Variants in STK10 observed in about 807,000 individuals in gnomAD.
STK10 encodes the protein serine/threonine-protein kinase 10.
In STK10, 78 loss-of-function variants were observed where a neutral mutation model predicts 113.8. The observed-to-expected ratio is 0.69, with a 90% CI of 0.57 to 0.83. The LOEUF is 0.83. Ranked by LOEUF, STK10 falls within the 40% of genes least tolerant of loss-of-function variation. STK10 has a pLI of 0.00. For synonymous variants in STK10, 465 were observed against 494.7 expected, an observed-to-expected ratio of 0.94 and a Z score of 0.80; for missense variants, 1,109 against 1,280.1, an observed-to-expected ratio of 0.87 and a Z score of 2.04.
intron 7 of STK10, among the ~76,000 whole-genome samples, chr5:172,101,470 CAA>C (rs796588690): frequency 4.3e-4 from 31 of 72,566 alleles, no homozygotes; most frequent in Admixed American, 8.5e-4. Flanking sequence ...ACTCCGTCTC[CAA>C]AAAAAAAAAA....
intron 12 of STK10, among the ~76,000 whole-genome samples, chr5:172,079,051 A>G (rs2113726222): frequency 6.6e-6 from 1 of 152,272 alleles, no homozygotes; most frequent in East Asian, 1.9e-4. Context: ...TTCCAAGCAG[A>G]TACTGGGTCT....
chr5:172,107,267 A>C (rs1423408118), intron 5 of STK10, among the ~76,000 whole-genome samples: 1 of 152,238 alleles, frequency 6.6e-6, no homozygotes, highest in Non-Finnish European at 1.5e-5. Flanking sequence ...TGCACATGAA[A>C]AAATTGGAAA....
chr5:172,123,731 A>G (rs1769563526), intron 3 of STK10, among the ~76,000 whole-genome samples: 1 of 152,132 alleles, frequency 6.6e-6, no homozygotes, highest in South Asian at 2.1e-4. Flanking sequence ...TCTCTTTAAA[A>G]GAGTCTTCAG....
At chr5:172,180,467 A>G (rs1018052204) in intron 1 of STK10, among the ~76,000 whole-genome samples, 3 of 146,526 alleles carry the variant, frequency 2.0e-5, no homozygotes, top group African/African-American at 7.6e-5. Context: ...TTCGTCTCAA[A>G]AAAGAAAGTC....
chr5:172,135,251 G>A (rs145476196), intron 2 of STK10, among the ~76,000 whole-genome samples: 5,792 of 152,250 alleles, frequency 0.038, 140 homozygotes, highest in Middle Eastern at 0.068. Flanking sequence ...GGTGGCTCAC[G>A]TCTGTGATCC....
At chr5:172,083,974 TA>T (rs1768493739) in intron 10 of STK10, among the ~76,000 whole-genome samples, 1 of 150,598 alleles carries the variant, frequency 6.6e-6, no homozygotes, top group Non-Finnish European at 1.5e-5. Flanking sequence ...GAATGTTATT[TA>T]GTAAAAAATT....
intron 12 of STK10, among the ~76,000 whole-genome samples, chr5:172,071,870 G>C (rs1768189427): frequency 6.6e-6 from 1 of 152,122 alleles, no homozygotes; most frequent in African/African-American, 2.4e-5. Flanking sequence ...CTCCTTTGCT[G>C]TGTGTCTCAT....
intron 2 of STK10, among the ~76,000 whole-genome samples, chr5:172,151,294 G>A (rs1030818307): frequency 2.0e-5 from 3 of 152,066 alleles, no homozygotes; most frequent in South Asian, 2.1e-4. Flanking sequence ...GACGGATTGC[G>A]AACCTGCAGG....
At position 172,187,867 on chromosome 5, in the gene STK10, A is replaced by C. The variant is rs768330502; in HGVS notation, c.156+20T>G. 6.2e-7 allele frequency: 1 copy of C among 1,611,014 alleles called. No individual in the cohort carries two copies. The highest frequency in any genetic ancestry group is 1.1e-5 in the South Asian group (1 of 90,626). ...GGAGCCCCTCGACGCGCGTCCGGCC[A>C]CCCACCTCAGCGCCCTCACCTTGTA... On this transcript the variant is annotated intron_variant, in intron 1 of 18. Transcript: ENST00000176763. The surrounding 1 kb of genome is among the most constrained non-coding windows in gnomAD (Gnocchi z 4.6).
chr5:172,068,011 G>T (rs4868139), intron 12 of STK10, among the ~76,000 whole-genome samples: 4 of 151,960 alleles, frequency 2.6e-5, no homozygotes, highest in African/African-American at 9.7e-5. Flanking sequence ...ACAGACACTA[G>T]GGAGGCCAAA....
intron 10 of STK10, among the ~76,000 whole-genome samples, chr5:172,083,316 C>CA (rs1768475395): frequency 6.6e-6 from 1 of 151,240 alleles, no homozygotes; most frequent in Admixed American, 6.6e-5. Context: ...TTATCCTAAC[C>CA]AAAAAAAGTG....
chr5:172,045,306 A>C, intron 18 of STK10: 1 of 575,050 alleles, frequency 1.7e-6, no homozygotes, highest in Non-Finnish European at 3.2e-6. Context: ...AGCAGATGCA[A>C]ATCCCCTGGC....
At position 172,188,063 on chromosome 5, in the gene STK10, CGGCTCGGGCTCG is replaced by C. The variant is rs552451973; in HGVS notation, c.-33_-22del. On this transcript the variant is annotated 5_prime_UTR_variant, in exon 1 of 19. Transcript: ENST00000176763. This position sits in a 1 kb window ranked among gnomAD's most constrained non-coding sequence, Gnocchi z 5.6. ...GCCATGGCCGGGGGCGCGGTGGCGC[CGGCTCGGGCTCG>C]GGCTCGGGCTCGGGCTGTGGCTTCG... The C allele has an allele frequency of 7.8e-5, 125 of 1,607,922 alleles. 1 individual carries two copies. In the South Asian group the frequency reaches 1.1e-3, roughly 14 times the overall value.
Position 172,042,716 on chromosome 5 carries a change from C to T in STK10, c.*2166G>A, listed in dbSNP as rs1224624798. The T allele has an allele frequency of 1.3e-5, 2 of 152,230 alleles. No individual in the cohort carries two copies. Among genetic ancestry groups the T allele is most frequent in the Non-Finnish European group, 2.9e-5 (2 of 68,056 alleles). The allele number at this position is 152,230 out of a possible 1,614,324, so 9.4% of individuals were successfully genotyped here. The stretch of plus-strand genomic sequence containing the variant: ...AGAGAATAAAAGGAGACAATTGTTT[C>T]GCTTGTCTCATTTGTGAGAGACCTA... On this transcript the variant is annotated 3_prime_UTR_variant, in exon 19 of 19. Transcript: ENST00000176763.
At chr5:172,134,867 C>G (rs757884248) in intron 2 of STK10, among the ~76,000 whole-genome samples, 2 of 150,332 alleles carry the variant, frequency 1.3e-5, no homozygotes, top group African/African-American at 2.5e-5. Context: ...GAGAATGCAG[C>G]GTGCAATAAT....
chr5:172,155,860 T>A (rs1274223136), intron 2 of STK10, among the ~76,000 whole-genome samples: 1 of 152,004 alleles, frequency 6.6e-6, no homozygotes, highest in East Asian at 1.9e-4. Context: ...CTGGGCATGG[T>A]GGCACATGCC....
At chr5:172,145,433 A>T (rs1770064732) in intron 2 of STK10, among the ~76,000 whole-genome samples, 1 of 152,118 alleles carries the variant, frequency 6.6e-6, no homozygotes, top group Non-Finnish European at 1.5e-5. Context: ...GTAGGAGTCA[A>T]ACCAAGGCGG....
chr5:172,087,107 AGTGTGTGTGTGTGTGTGTGTGTGTGT>A (rs201052929), intron 10 of STK10, among the ~76,000 whole-genome samples: 2 of 128,860 alleles, frequency 1.6e-5, no homozygotes, highest in East Asian at 2.3e-4. Flanking sequence ...AGATGACACC[AGTGTGTGTGTGTGTGTGTGTGTGTGT>A]GTGTGTGTGT....
intron 2 of STK10, among the ~76,000 whole-genome samples, chr5:172,136,051 CAAAAG>C (rs1561820860): frequency 6.7e-6 from 1 of 148,348 alleles, no homozygotes; most frequent in Non-Finnish European, 1.5e-5. Flanking sequence ...AACAAACAAA[CAAAAG>C]AAAGAAAAAG....
Sources: gnomAD v4.1 joint callset for allele counts (sites outside exome capture counted in the v4.1 genomes callset) on GRCh38, gnomAD v4.1.1 for gene constraint, Gnocchi (gnomAD v3.1) non-coding constraint, MANE v1.5 for transcripts, NCBI Gene and HGNC (gene_info 2026-07-23, HGNC 2026-07-21) for gene names.